Variants in ARNT2 observed in about 807,000 individuals in gnomAD.
The protein encoded by ARNT2 is ARNT protein 2.
In ARNT2, 36 loss-of-function variants were observed where a neutral mutation model predicts 91.7. The ratio of observed to expected loss-of-function variants is 0.39; its 90% CI spans 0.30 to 0.52. The LOEUF (loss-of-function observed/expected upper bound fraction) is 0.52. ARNT2 is among the 20% of genes least tolerant of loss of function. The probability of loss-of-function intolerance (pLI) is 0.72; values close to 1 mark genes in which losing one functional copy is unlikely to be tolerated. For synonymous variants in ARNT2, 365 were observed against 347.1 expected, an observed-to-expected ratio of 1.05 and a Z score of -0.57; for missense variants, 775 against 939.3, an observed-to-expected ratio of 0.83 and a Z score of 2.29.
rs1893272191 is a variant in ARNT2, at chr15:80,591,111, G to A, written c.1919-457G>A. Among the ~76,000 whole-genome samples the A allele has an allele frequency of 6.6e-6, 1 of 152,192 alleles. No homozygotes were observed. The highest frequency in any genetic ancestry group is 6.5e-5 in the Admixed American group (1 of 15,284). The stretch of plus-strand genomic sequence containing the variant: ...CAGATGCCTTTCAAGAGCATTCGGT[G>A]GACCGAGAGGGAATCAGGAGCAGGG... On this transcript the variant is annotated intron_variant, in intron 17 of 18. Coordinates refer to ENST00000303329, the MANE Select transcript of ARNT2 (RefSeq NM_014862.4). This position sits in a 1 kb window ranked among gnomAD's most constrained non-coding sequence, Gnocchi z 5.1.
At chr15:80,581,897 A>G (rs181520746) in intron 17 of ARNT2, among the ~76,000 whole-genome samples, 11 of 152,306 alleles carry the variant, frequency 7.2e-5, no homozygotes, top group Admixed American at 2.6e-4. Flanking sequence ...ATTTCTCAGG[A>G]TCCTGGGCCT....
chr15:80,562,155 A>T (rs552556641), intron 11 of ARNT2, among the ~76,000 whole-genome samples: 1 of 151,750 alleles, frequency 6.6e-6, no homozygotes, highest in South Asian at 2.1e-4. Flanking sequence ...GCTCACTGTA[A>T]CCTCTGCCTC....
At chr15:80,581,860 G>C (rs1441107815) in intron 17 of ARNT2, among the ~76,000 whole-genome samples, 1 of 152,240 alleles carries the variant, frequency 6.6e-6, no homozygotes, top group Non-Finnish European at 1.5e-5. Flanking sequence ...AGGCCATAGA[G>C]GGTTAAGGAA....
intron 12 of ARNT2, among the ~76,000 whole-genome samples, chr15:80,570,080 G>A (rs541105093): frequency 8.6e-4 from 131 of 152,312 alleles, no homozygotes; most frequent in African/African-American, 3.0e-3. Flanking sequence ...TATAGCCATG[G>A]GTATTTCTCT....
At chr15:80,578,036 G>T (rs1199205757) in intron 15 of ARNT2, among the ~76,000 whole-genome samples, 1 of 152,228 alleles carries the variant, frequency 6.6e-6, no homozygotes, top group Non-Finnish European at 1.5e-5. Flanking sequence ...TCTCTTGGCT[G>T]CTGAGTTACT....
At chr15:80,524,828 T>C (rs1566993191) in intron 8 of ARNT2, among the ~76,000 whole-genome samples, 1 of 151,378 alleles carries the variant, frequency 6.6e-6, no homozygotes, top group Non-Finnish European at 1.5e-5. Context: ...TGAGCAGAGA[T>C]TGCGCCATTG....
intron 1 of ARNT2, among the ~76,000 whole-genome samples, chr15:80,449,377 C>A (rs1023927498): frequency 6.6e-6 from 1 of 152,104 alleles, no homozygotes; most frequent in Non-Finnish European, 1.5e-5. Flanking sequence ...GTTTTAGCCT[C>A]CATTTCAGAA....
At position 80,475,040 on chromosome 15, in the gene ARNT2, G is replaced by A; in HGVS notation, c.439G>A (p.Asp147Asn). Residue 147 changes from aspartate (D) to asparagine (N), a missense_variant, in exon 5 of 19, where the codon GAT (aspartate) becomes AAT (asparagine). Around this residue, in one of 5 missense-constraint regions of ARNT2, gnomAD observed 83 missense variants for 149.4 expected, o/e 0.56. Transcript: ENST00000303329. ...GAAGCATCTCATCCTTGAAGCAGCT[G>A]ATGGATTTCTGTTTGTGGTGGCTGC... ...ELKHLILEAA[D>N]GFLFVVAAET... 6.2e-7 allele frequency: 1 copy of A among 1,614,176 alleles called. No homozygotes were observed. The highest frequency in any genetic ancestry group is 8.5e-7 in the Non-Finnish European group (1 of 1,180,044).
chr15:80,470,394 C>T lies in ARNT2; in HGVS notation c.371C>T (p.Thr124Ile). Residue 124 changes from threonine to isoleucine, a missense_variant, in exon 4 of 19, where the codon ACC becomes ATC. Physicochemically the swap from Thr to Ile is moderately conservative, Grantham distance 89. Coordinates refer to ENST00000303329, the MANE Select transcript of ARNT2 (RefSeq NM_014862.4). ...ATGAGGGGTACAGGGAACAAGTCCA[C>T]CGATGGCGCGTACAAGCCTTCCTTC... The part of the protein sequence containing the change: ...KSMRGTGNKS[T>I]DGAYKPSFLT... 1 of 1,614,182 alleles carries T rather than the reference C, an allele frequency of 6.2e-7. No individual in the cohort carries two copies. Among genetic ancestry groups the T allele is most frequent in the Non-Finnish European group, 8.5e-7 (1 of 1,180,042 alleles).
In ARNT2 at chr15:80,409,218, A is replaced by G. The variant is rs76359330; in HGVS notation, c.31+4672A>G. 3.2e-3 allele frequency among the ~76,000 whole-genome samples: 490 copies of G among 152,322 alleles called. 4 individuals carry two copies. Among genetic ancestry groups the G allele is most frequent in the African/African-American group, 0.01 (436 of 41,568 alleles). On this transcript the variant is annotated intron_variant, in intron 1 of 18. Coordinates refer to ENST00000303329, the MANE Select transcript of ARNT2 (RefSeq NM_014862.4). ...ATTTTCACTGCCCTAAAAATTCTCC[A>G]TGCTCCACCTATTCATTCCTCCCAC... is the stretch of plus-strand genomic sequence containing the variant.
At chr15:80,569,196 A>T (rs1898540881) in intron 12 of ARNT2, among the ~76,000 whole-genome samples, 1 of 152,176 alleles carries the variant, frequency 6.6e-6, no homozygotes, top group South Asian at 2.1e-4. Flanking sequence ...AGGCTGAGTA[A>T]AAACCCCTGT....
In ARNT2 at chr15:80,574,201, C is replaced by T. The variant is rs138991938; in HGVS notation, c.1370C>T (p.Ser457Leu). 1.9e-6 allele frequency: 3 copies of T among 1,614,028 alleles called. No homozygotes were observed. In the African/African-American group the frequency reaches 4.0e-5, roughly 22 times the overall value. Reference sequence around the variant, plus strand: ...GAAGTGCACCAGAGAGATGGATTGTCATCGTATGACTTATCCCAGGTGAGT... The same window carrying T: ...GAAGTGCACCAGAGAGATGGATTGTTATCGTATGACTTATCCCAGGTGAGT... ...ELEVHQRDGL[S>L]SYDLSQVPVP... Residue 457 changes from serine to leucine, a missense_variant, in exon 13 of 19, where the codon TCA (serine) becomes TTA (leucine). Physicochemically the swap from Ser to Leu is moderately radical, Grantham distance 145. Around this residue, in one of 5 missense-constraint regions of ARNT2, gnomAD observed 325 missense variants for 359.9 expected, o/e 0.90. Transcript: ENST00000303329.
At chr15:80,445,111 AGTGGTGTGTATGGAGTGTGT>A (rs1896275593) in intron 1 of ARNT2, 1 of 138,092 alleles carries the variant, frequency 7.2e-6, no homozygotes, top group Non-Finnish European at 1.6e-5. Flanking sequence ...TGTTGATGTG[AGTGGTGTGTATGGAGTGTGT>A]GTGGTGTGTG....
intron 17 of ARNT2, among the ~76,000 whole-genome samples, chr15:80,587,675 G>A (rs1361582176): frequency 6.6e-6 from 1 of 152,240 alleles, no homozygotes; most frequent in African/African-American, 2.4e-5. Context: ...AGCCCACACA[G>A]CTGGCCCAGG....
intron 2 of ARNT2, among the ~76,000 whole-genome samples, chr15:80,451,511 T>C (rs987974644): frequency 6.6e-6 from 1 of 152,236 alleles, no homozygotes; most frequent in African/African-American, 2.4e-5. Flanking sequence ...GTACTATTGT[T>C]CCAAGTGTAC....
At chr15:80,414,365 G>C (rs1895746704) in intron 1 of ARNT2, among the ~76,000 whole-genome samples, 1 of 152,170 alleles carries the variant, frequency 6.6e-6, no homozygotes, top group Non-Finnish European at 1.5e-5. Flanking sequence ...CCAAGGTTGA[G>C]AAACTCTGGT....
intron 3 of ARNT2, among the ~76,000 whole-genome samples, chr15:80,458,870 T>C (rs11072919): frequency 0.57 from 86,028 of 151,910 alleles, 24,597 homozygotes; most frequent in East Asian, 0.76. Flanking sequence ...AAACTTGCCA[T>C]GGGTGACGGT....
chr15:80,535,123 G>C (rs578164150), intron 8 of ARNT2, among the ~76,000 whole-genome samples: 52 of 152,350 alleles, frequency 3.4e-4, no homozygotes, highest in African/African-American at 1.3e-3. Flanking sequence ...GACTACCGCA[G>C]ACATCTGGGA....
chr15:80,540,148 G>C (rs1897883876), intron 8 of ARNT2, among the ~76,000 whole-genome samples: 1 of 152,110 alleles, frequency 6.6e-6, no homozygotes, highest in African/African-American at 2.4e-5. Flanking sequence ...CAGACATATA[G>C]CTTTATTTCT....
Sources: allele counts gnomAD v4.1 joint callset (sites outside exome capture counted in the v4.1 genomes callset), GRCh38; gene constraint gnomAD v4.1.1; regional missense constraint gnomAD v4.1.1; non-coding constraint Gnocchi (gnomAD v3.1); transcripts MANE v1.5; gene names NCBI Gene and HGNC (gene_info 2026-07-23, HGNC 2026-07-21).